The following ZNF341 variants were observed in gnomAD, a reference collection of about 807,000 sequenced individuals.
ZNF341 encodes zinc finger protein 341.
In ZNF341, 52 loss-of-function variants were observed where a neutral mutation model predicts 87.7. The ratio of observed to expected loss-of-function variants is 0.59; its 90% CI spans 0.47 to 0.75. The LOEUF (loss-of-function observed/expected upper bound fraction) is 0.75. Ranked by LOEUF, ZNF341 falls within the 30% of genes least tolerant of loss-of-function variation. The pLI is 0.00. For synonymous variants in ZNF341, 459 were observed against 472.7 expected, an observed-to-expected ratio of 0.97 and a Z score of 0.38; for missense variants, 977 against 1,145.9, an observed-to-expected ratio of 0.85 and a Z score of 2.13.
chr20:33,736,788 A>G (rs1412778688), intron 1 of ZNF341, among the ~76,000 whole-genome samples: 1 of 152,222 alleles, frequency 6.6e-6, no homozygotes, highest in Admixed American at 6.5e-5. Context: ...ACAATTTTGC[A>G]TAAAATGGTA....
At chr20:33,773,944 A>G (rs2019575785) in intron 10 of ZNF341, among the ~76,000 whole-genome samples, 1 of 152,064 alleles carries the variant, frequency 6.6e-6, no homozygotes, top group South Asian at 2.1e-4. Flanking sequence ...ACTTTTAGTC[A>G]TGCCACTATA....
At chr20:33,748,570 G>A (rs1049920848) in intron 3 of ZNF341, among the ~76,000 whole-genome samples, 1 of 151,854 alleles carries the variant, frequency 6.6e-6, no homozygotes, top group East Asian at 1.9e-4. Flanking sequence ...GTTTCACCAT[G>A]TTGCCCAGGC....
intron 8 of ZNF341, among the ~76,000 whole-genome samples, chr20:33,766,240 G>A (rs1032212561): frequency 1.3e-5 from 2 of 151,848 alleles, no homozygotes; most frequent in African/African-American, 4.8e-5. Context: ...TGTCACCAAG[G>A]CTGGAGTGCA....
intron 10 of ZNF341, among the ~76,000 whole-genome samples, chr20:33,776,375 G>A (rs754714015): frequency 4.0e-5 from 6 of 149,366 alleles, no homozygotes; most frequent in Non-Finnish European, 8.9e-5. Flanking sequence ...TTACAGGCAT[G>A]AGCCACTGCA....
At position 33,746,076 on chromosome 20, in the gene ZNF341, G is replaced by A. The variant is rs2018913171; in HGVS notation, c.339+777G>A. ...CTCCCAAGTAGCTGGGACTACAGGT[G>A]CCCGCCACCACACCAGGCTGATTTT... On this transcript the variant is annotated intron_variant, in intron 3 of 14. Coordinates refer to ENST00000375200, the MANE Select transcript of ZNF341 (RefSeq NM_001282933.2). Among the ~76,000 whole-genome samples the A allele has an allele frequency of 2.0e-5, 3 of 150,926 alleles. No homozygotes were observed. In the South Asian group the frequency reaches 6.3e-4, roughly 32 times the overall value.
Position 33,783,769 on chromosome 20 carries a change from C to T in ZNF341, c.1757C>T (p.Pro586Leu), listed in dbSNP as rs2019790611. 1.2e-6 allele frequency: 2 copies of T among 1,613,820 alleles called. No individual in the cohort carries two copies. Among genetic ancestry groups the T allele is most frequent in the African/African-American group, 1.3e-5 (1 of 74,942 alleles). ...PCERYLRRHL[P>L]THGSGGRFKC... ...GAACGCTACCTGCGGCGTCATCTGC[C>T]CACCCACGGCAGCGGGGGCAGGTTC... The change falls in exon 12 of 15, where the codon CCC becomes CTC. Residue 586 changes from proline (P) to leucine (L), a missense_variant. Transcript: ENST00000375200.
rs1363789783 is a variant in ZNF341 at position 33,732,396 on chromosome 20, G to A, written c.31+344G>A. On this transcript the variant is annotated intron_variant, in intron 1 of 14. Transcript: ENST00000375200. This position sits in a 1 kb window ranked among gnomAD's most constrained non-coding sequence, Gnocchi z 4.5. ...GGCGGTCTGGAACAGCCGCGGCCAG[G>A]GAGGCGGCTTGGCGGCGCGCGGGGC... 6.6e-6 allele frequency among the ~76,000 whole-genome samples: 1 copy of A among 151,916 alleles called. No homozygotes were observed. The highest frequency in any genetic ancestry group is 1.5e-5 in the Non-Finnish European group (1 of 67,914).
chr20:33,753,262 C>G lies in ZNF341; in HGVS notation c.580C>G (p.Pro194Ala). ...TCCACCACTGCCCCCACCGCCACCACCTCAGCCTCCACCACCTCCACCCCA... is the reference window on the plus strand; with the variant it reads ...TCCACCACTGCCCCCACCGCCACCAGCTCAGCCTCCACCACCTCCACCCCA... ...PPPPLPPPPP[P>A]QPPPPPPQSL... is the part of the protein sequence containing the mutation. The change falls in exon 5 of 15, where the codon CCT (proline) becomes GCT (alanine). Residue 194 changes from proline to alanine, a missense_variant. Pro to Ala is a conservative substitution (Grantham distance 27). This residue lies in a region of ZNF341 where 515 missense variants were observed against 598.2 expected (regional missense o/e 0.86). Coordinates refer to ENST00000375200, the MANE Select transcript of ZNF341 (RefSeq NM_001282933.2). The G allele has an allele frequency of 6.2e-7, 1 of 1,612,016 alleles. No homozygotes were observed. Among genetic ancestry groups the G allele is most frequent in the East Asian group, 2.2e-5 (1 of 44,872 alleles).
rs148256868 is a variant in ZNF341 at position 33,738,659 on chromosome 20, G to A, written c.32-2243G>A. ...GAGGGCTTAAGTCCCACTAGAGTGG[G>A]GAAGGAGAACTGGAAGGTGGTAGAA... is the stretch of plus-strand genomic sequence containing the variant. On this transcript the variant is annotated intron_variant, in intron 1 of 14. Coordinates refer to ENST00000375200, the MANE Select transcript of ZNF341 (RefSeq NM_001282933.2). Among the ~76,000 whole-genome samples the A allele has an allele frequency of 6.9e-3, 1,044 of 152,326 alleles. 8 individuals are homozygous for A. Among genetic ancestry groups the A allele is most frequent in the Non-Finnish European group, 0.011 (771 of 68,026 alleles).
At chr20:33,762,668 A>C (rs2019320985) in intron 8 of ZNF341, among the ~76,000 whole-genome samples, 1 of 151,990 alleles carries the variant, frequency 6.6e-6, no homozygotes, top group African/African-American at 2.4e-5. Context: ...TATTTGTCCT[A>C]AGGCTCTCTC....
chr20:33,740,655 C>T (rs1167304643), intron 1 of ZNF341, among the ~76,000 whole-genome samples: 1 of 152,140 alleles, frequency 6.6e-6, no homozygotes, highest in African/African-American at 2.4e-5. Flanking sequence ...CAGGCATGCA[C>T]CACCAAGCCT....
At chr20:33,772,432 G>A (rs1389296070) in intron 10 of ZNF341, among the ~76,000 whole-genome samples, 1 of 152,174 alleles carries the variant, frequency 6.6e-6, no homozygotes, top group East Asian at 1.9e-4. Context: ...TGAAGCTTCT[G>A]GGGTTCAGAG....
chr20:33,781,251 CTG>C, intron 10 of ZNF341, 38 bp from the exon 11 acceptor site: 7 of 1,537,214 alleles, frequency 4.6e-6, no homozygotes, highest in South Asian at 1.1e-5. Context: ...CCTATGCCTG[CTG>C]TGTTTCCTCC....
At chr20:33,759,172 C>A (rs747125535) in intron 7 of ZNF341, among the ~76,000 whole-genome samples, 1 of 152,234 alleles carries the variant, frequency 6.6e-6, no homozygotes, top group African/African-American at 2.4e-5. Context: ...TCTGTGAGCT[C>A]TCTGCTCACT....
In ZNF341 at chr20:33,791,419, G is replaced by A. The variant is rs772077716; in HGVS notation, c.2467G>A (p.Gly823Arg). ...TELVVPGHAE[G>R]LGSNLALAEL... Reference sequence around the variant, plus strand: ...GCTGGTGGTACCTGGACACGCTGAGGGGCTGGGCTCCAACCTGGCTCTGGC... The same window carrying A: ...GCTGGTGGTACCTGGACACGCTGAGAGGCTGGGCTCCAACCTGGCTCTGGC... The change falls in exon 15 of 15, where the codon GGG becomes AGG. Residue 823 changes from glycine (G) to arginine (R), a missense_variant. By Grantham distance (125) the Gly-to-Arg change is moderately radical (BLOSUM62 -2). Around this residue, in one of 3 missense-constraint regions of ZNF341, gnomAD observed 221 missense variants for 212.7 expected, o/e 1.04. Transcript: ENST00000375200. The A allele has an allele frequency of 4.3e-6, 7 of 1,611,770 alleles. No homozygotes were observed. The Admixed American group carries it at 8.3e-5, about 19-fold the overall frequency.
chr20:33,761,900 G>A lies in ZNF341; in HGVS notation c.1067G>A (p.Gly356Asp). The A allele has an allele frequency of 6.3e-7, 1 of 1,591,200 alleles. No homozygotes were observed. Among genetic ancestry groups the A allele is most frequent in the Non-Finnish European group, 8.6e-7 (1 of 1,163,358 alleles). ...GEKPFQCIAC[G>D]RAFAQKSNVK... ...AAGCCCTTCCAGTGCATTGCATGTG[G>A]CCGTGCCTTTGCCCAGAAGTCTAAT... The change falls in exon 8 of 15, where the codon GGC (glycine) becomes GAC (aspartate). Residue 356 changes from glycine to aspartate, a missense_variant. Gly to Asp is a moderately conservative substitution (Grantham distance 94, BLOSUM62 -1). Transcript: ENST00000375200.
chr20:33,742,051 G>A (rs113433944), intron 2 of ZNF341, among the ~76,000 whole-genome samples: 13 of 152,298 alleles, frequency 8.5e-5, no homozygotes, highest in African/African-American at 2.9e-4. Context: ...CATTTGGGGT[G>A]GGCATGGTGA....
chr20:33,790,017 G>A (rs1325881163), intron 14 of ZNF341, among the ~76,000 whole-genome samples: 4 of 152,022 alleles, frequency 2.6e-5, no homozygotes, highest in Non-Finnish European at 5.9e-5. Flanking sequence ...CATGCCAGCC[G>A]AGGTCTAAAA....
At chr20:33,746,883 G>A (rs2018937317) in intron 3 of ZNF341, among the ~76,000 whole-genome samples, 1 of 152,210 alleles carries the variant, frequency 6.6e-6, no homozygotes, top group Non-Finnish European at 1.5e-5. Flanking sequence ...GAAGGGAGGA[G>A]GCTGTGAGGA....
Sources: gnomAD v4.1 joint callset for allele counts (sites outside exome capture counted in the v4.1 genomes callset) on GRCh38, gnomAD v4.1.1 for gene constraint, gnomAD v4.1.1 regional missense constraint, Gnocchi (gnomAD v3.1) non-coding constraint, MANE v1.5 for transcripts, NCBI Gene and HGNC (gene_info 2026-07-23, HGNC 2026-07-21) for gene names.